Variants in KDM5B observed in about 807,000 individuals in gnomAD.
KDM5B encodes lysine-specific demethylase 5B.
In KDM5B, 144 loss-of-function variants were observed where a neutral mutation model predicts 193.4. The observed-to-expected ratio is 0.74, with a 90% CI of 0.65 to 0.86. KDM5B has a LOEUF of 0.86. Ranked by LOEUF, KDM5B falls within the 40% of genes least tolerant of loss-of-function variation. KDM5B has a pLI of 0.00. For missense variants in KDM5B, 1,833 were observed against 1,886.9 expected (o/e 0.97, Z 0.53); for synonymous variants, 668 against 682.6 (o/e 0.98, Z 0.33).
At chr1:202,799,594 G>A (rs914358609) in intron 1 of KDM5B, among the ~76,000 whole-genome samples, 10 of 151,634 alleles carry the variant, frequency 6.6e-5, no homozygotes, top group Non-Finnish European at 1.0e-4. Context: ...CGGAAGTTGC[G>A]GTGAGCCGAG....
At chr1:202,803,597 G>A (rs1658165198) in intron 1 of KDM5B, among the ~76,000 whole-genome samples, 1 of 152,004 alleles carries the variant, frequency 6.6e-6, no homozygotes, top group South Asian at 2.1e-4. Flanking sequence ...GCCGAGGTGG[G>A]TGGATCACCT....
chr1:202,769,339 T>A (rs1656612592), intron 4 of KDM5B, among the ~76,000 whole-genome samples: 1 of 150,144 alleles, frequency 6.7e-6, no homozygotes, highest in South Asian at 2.2e-4. Flanking sequence ...CCCGGCCGCC[T>A]GGCCTATTAT....
chr1:202,779,583 A>T (rs538110723), intron 1 of KDM5B, among the ~76,000 whole-genome samples: 1 of 152,228 alleles, frequency 6.6e-6, no homozygotes, highest in African/African-American at 2.4e-5. Flanking sequence ...AGGCAAGCAG[A>T]TCACCTGAGG....
At chr1:202,750,919 G>A in intron 12 of KDM5B, 141 bp from the exon 13 acceptor site, 2 of 734,038 alleles carry the variant, frequency 2.7e-6, no homozygotes, top group Non-Finnish European at 4.4e-6. Context: ...AATTATTATA[G>A]TAGAATATCA....
chr1:202,733,400 C>T lies in KDM5B; in HGVS notation c.3909+1G>A. ...ACCCAACAAGGAAAGTCCAGATTCA[C>T]CTTGTTTGTGTCTGACACCTGTCCT... On this transcript the variant is annotated splice_donor_variant, in intron 23 of 26. Transcript: ENST00000367265. LOFTEE classifies it high-confidence loss of function. The T allele has an allele frequency of 6.2e-7, 1 of 1,609,578 alleles. No homozygotes were observed. The highest frequency in any genetic ancestry group is 8.5e-7 in the Non-Finnish European group (1 of 1,176,374).
chr1:202,774,544 G>T, intron 3 of KDM5B, 69 bp downstream of exon 3: 1 of 1,471,338 alleles, frequency 6.8e-7, no homozygotes, highest in Non-Finnish European at 9.4e-7. Context: ...TCCTTTTTAA[G>T]GCAAAGAAGA....
intron 1 of KDM5B, among the ~76,000 whole-genome samples, chr1:202,792,946 A>C (rs1308701564): frequency 1.3e-5 from 2 of 151,758 alleles, no homozygotes; most frequent in African/African-American, 4.8e-5. Context: ...GCAGTGAGCC[A>C]AGACCGTGCC....
chr1:202,771,023 A>C (rs1407475177), intron 4 of KDM5B, among the ~76,000 whole-genome samples: 1 of 152,170 alleles, frequency 6.6e-6, no homozygotes, highest in Admixed American at 6.6e-5. Context: ...TAAGTATATA[A>C]GTGACATGTT....
At chr1:202,747,140 A>G (rs975555812) in intron 14 of KDM5B, among the ~76,000 whole-genome samples, 1 of 152,134 alleles carries the variant, frequency 6.6e-6, no homozygotes, top group Non-Finnish European at 1.5e-5. Flanking sequence ...CTGTATTTTA[A>G]CCTTTTAACT....
At chr1:202,756,571 A>G in intron 9 of KDM5B, 55 bp from the exon 10 acceptor site, 8 of 1,382,288 alleles carry the variant, frequency 5.8e-6, no homozygotes, top group Non-Finnish European at 6.8e-6. Context: ...TCTGTGACCA[A>G]TTAAGCTCAG....
chr1:202,764,096 T>G lies in KDM5B; in HGVS notation c.761A>C (p.His254Pro). 1 of 1,590,792 alleles carries G rather than the reference T, an allele frequency of 6.3e-7. No homozygotes were observed. Among genetic ancestry groups the G allele is most frequent in the Non-Finnish European group, 8.5e-7 (1 of 1,170,834 alleles). ...ACAACCCATTCGACGTCTCAGATTA[T>G]GAGTTCTGGCTTCCGTTGTCTCCTC... ...EPEETTEARTHNLRRRMGCPT... is the reference protein window; with the variant it reads ...EPEETTEARTPNLRRRMGCPT... Residue 254 changes from histidine to proline, a missense_variant, in exon 6 of 27, where the codon CAT becomes CCT. His to Pro is a moderately conservative substitution (Grantham distance 77, BLOSUM62 -2). Around this residue, in one of 3 missense-constraint regions of KDM5B, gnomAD observed 355 missense variants for 374.9 expected, o/e 0.95. Coordinates refer to ENST00000367265, the MANE Select transcript of KDM5B (RefSeq NM_006618.5).
rs549978374 is a variant in KDM5B, at chr1:202,734,240, C to T, written c.3424-354G>A. Among the ~76,000 whole-genome samples the T allele has an allele frequency of 1.0e-4, 15 of 144,322 alleles. No homozygotes were observed. The South Asian group carries it at 2.2e-3, about 21-fold the overall frequency. The allele number at this position is 144,322 out of a possible 152,430, so 94.7% of individuals were successfully genotyped here. A position where few individuals can be genotyped will look rare whatever the true frequency, so the allele number is the denominator to read the frequency against. On this transcript the variant is annotated intron_variant, in intron 22 of 26. Transcript: ENST00000367265. ...CATCTATCCCCTTTCAGATCCATCA[C>T]GATTCACCAGATGAAGCACCCTTAC...
chr1:202,735,370 A>G, intron 22 of KDM5B, 59 bp downstream of exon 22: 1 of 1,520,326 alleles, frequency 6.6e-7, no homozygotes, highest in Non-Finnish European at 8.9e-7. Flanking sequence ...TAAAACAGAA[A>G]GGGTTAGAAA....
Position 202,741,724 on chromosome 1 carries a change from TAA to T in KDM5B, c.2590-4_2590-3del. On this transcript the variant is annotated splice_polypyrimidine_tract_variant and splice_region_variant and intron_variant, in intron 18 of 26. Coordinates refer to ENST00000367265, the MANE Select transcript of KDM5B (RefSeq NM_006618.5). ...ATCTTCTACACGATTCAAGAGATCCTAAAAAAAAATACACAGGTTGTTGCATT... is the reference window on the plus strand; with the variant it reads ...ATCTTCTACACGATTCAAGAGATCCTAAAAAAATACACAGGTTGTTGCATT... 1.3e-6 allele frequency: 2 copies of T among 1,504,058 alleles called. No individual in the cohort carries two copies. Among genetic ancestry groups the T allele is most frequent in the Non-Finnish European group, 1.8e-6 (2 of 1,101,512 alleles). The allele number at this position is 1,504,058 out of a possible 1,614,324, so 93.2% of individuals were successfully genotyped here. A position where few individuals can be genotyped will look rare whatever the true frequency, so the allele number is the denominator to read the frequency against.
At chr1:202,805,914 A>G (rs1298373373) in intron 1 of KDM5B, among the ~76,000 whole-genome samples, 1 of 152,170 alleles carries the variant, frequency 6.6e-6, no homozygotes, top group East Asian at 1.9e-4. Context: ...TCCCCTCCAC[A>G]CAAAGGAGGT....
At chr1:202,756,663 C>T (rs1656024948) in intron 9 of KDM5B, 147 bp from the exon 10 acceptor site, 8 of 519,498 alleles carry the variant, frequency 1.5e-5, no homozygotes, top group Non-Finnish European at 2.5e-5. Flanking sequence ...TTCAGGAAAC[C>T]TCTACTGTCT....
At position 202,725,343 on chromosome 1, in the gene KDM5B, C is replaced by CAG. The variant is rs1654637454; in HGVS notation, c.*3691_*3692dup. The CAG allele has an allele frequency of 6.6e-6, 1 of 152,214 alleles. No individual in the cohort carries two copies. The highest frequency in any genetic ancestry group is 2.4e-5 in the African/African-American group (1 of 41,440). The allele number at this position is 152,214 out of a possible 1,614,324, so 9.4% of individuals were successfully genotyped here. A position where few individuals can be genotyped will look rare whatever the true frequency, so the allele number is the denominator to read the frequency against. On this transcript the variant is annotated 3_prime_UTR_variant, in exon 27 of 27. Coordinates refer to ENST00000367265, the MANE Select transcript of KDM5B (RefSeq NM_006618.5). ...TTACATCTTGAAGATGGATTTACAA[C>CAG]AGTATTACTTTATACAAATTCCTAC...
At chr1:202,758,048 G>A (rs966336039) in intron 9 of KDM5B, among the ~76,000 whole-genome samples, 1 of 152,112 alleles carries the variant, frequency 6.6e-6, no homozygotes, top group African/African-American at 2.4e-5. Context: ...CCAATGCATA[G>A]TACACCTTGG....
chr1:202,806,795 G>A (rs941898258), intron 1 of KDM5B: 4 of 152,264 alleles, frequency 2.6e-5, no homozygotes, highest in Middle Eastern at 3.4e-3. Context: ...GGGTGGGAAG[G>A]GGTCTTCCTC....
Sources: gnomAD v4.1 joint callset for allele counts (sites outside exome capture counted in the v4.1 genomes callset) on GRCh38, gnomAD v4.1.1 for gene constraint, gnomAD v4.1.1 regional missense constraint, MANE v1.5 for transcripts, NCBI Gene and HGNC (gene_info 2026-07-23, HGNC 2026-07-21) for gene names.